The following ZNF383 variants were observed in gnomAD, a reference collection of about 807,000 sequenced individuals.
The protein encoded by ZNF383 is zinc finger protein 383.
In ZNF383, 32 loss-of-function variants were observed where a neutral mutation model predicts 44.2. That is an observed-to-expected ratio of 0.72 (90% CI 0.55 to 0.97). The LOEUF is 0.97. ZNF383 is among the 50% of genes least tolerant of loss of function. ZNF383 has a pLI of 0.00. For missense variants in ZNF383, 487 were observed against 562.5 expected, an observed-to-expected ratio of 0.87 and a Z score of 1.36; for synonymous variants, 155 against 186.2, an observed-to-expected ratio of 0.83 and a Z score of 1.36.
intron 4 of ZNF383, 120 bp downstream of exon 4, chr19:37,235,795 A>G (rs1221014050): frequency 1.5e-6 from 2 of 1,377,266 alleles, no homozygotes; most frequent in African/African-American, 1.5e-5. Flanking sequence ...TTACCAAACA[A>G]ATGGTTTGAG....
chr19:37,220,978 G>T (rs1237684895), intron 1 of ZNF383, among the ~76,000 whole-genome samples: 1 of 152,158 alleles, frequency 6.6e-6, no homozygotes, highest in African/African-American at 2.4e-5. Context: ...CATAGCTGCA[G>T]TTCAGACGTT....
At chr19:37,230,978 G>A (rs1365019973) in intron 3 of ZNF383, among the ~76,000 whole-genome samples, 1 of 152,170 alleles carries the variant, frequency 6.6e-6, no homozygotes, top group African/African-American at 2.4e-5. Context: ...ACAGAGCTCT[G>A]CAACTCTGTA....
intron 5 of ZNF383, among the ~76,000 whole-genome samples, chr19:37,238,029 A>G (rs1973904022): frequency 6.6e-6 from 1 of 151,474 alleles, no homozygotes; most frequent in Non-Finnish European, 1.5e-5. Flanking sequence ...CGCCCAGCTA[A>G]TTTTTCTATT....
chr19:37,240,402 A>G (rs537942267), intron 5 of ZNF383, among the ~76,000 whole-genome samples: 23 of 152,340 alleles, frequency 1.5e-4, no homozygotes, highest in South Asian at 1.2e-3. Context: ...GTTAAGGATT[A>G]TTGCCCTTTT....
chr19:37,242,519 T>C lies in ZNF383; in HGVS notation c.283T>C (p.Tyr95His), dbSNP rs1230780776. The C allele has an allele frequency of 1.2e-6, 2 of 1,612,354 alleles. No individual in the cohort carries two copies. The highest frequency in any genetic ancestry group is 2.2e-5 in the South Asian group (2 of 90,628). ...GTTATTATCTCTAAAGAAGGAAGTT[T>C]ATGAAATAGAATTATGCCAGAGGGA... Reference protein sequence around the residue: ...TKLLSLKKEVYEIELCQREIM... With the variant: ...TKLLSLKKEVHEIELCQREIM... Residue 95 changes from tyrosine to histidine, a missense_variant, in exon 6 of 6, where the codon TAT becomes CAT. Physicochemically the swap from Tyr to His is moderately conservative, Grantham distance 83. Coordinates refer to ENST00000684119, the MANE Select transcript of ZNF383 (RefSeq NM_001387601.1).
At chr19:37,221,000 G>A (rs1972895249) in intron 1 of ZNF383, among the ~76,000 whole-genome samples, 1 of 152,120 alleles carries the variant, frequency 6.6e-6, no homozygotes, top group Non-Finnish European at 1.5e-5. Context: ...GTTATTTCCT[G>A]TATGACAGGG....
At chr19:37,230,320 A>G in intron 2 of ZNF383, 89 bp from the exon 3 acceptor site, 1 of 822,652 alleles carries the variant, frequency 1.2e-6, no homozygotes, top group South Asian at 1.6e-5. Context: ...ACCAAGAAAT[A>G]TGGAGGTGGT....
intron 2 of ZNF383, 76 bp from the exon 3 acceptor site, chr19:37,230,333 T>C (rs1019569955): frequency 2.0e-6 from 2 of 1,009,438 alleles, no homozygotes; most frequent in African/African-American, 3.2e-5. Context: ...GAGGTGGTTT[T>C]ATCTGACCTC....
intron 2 of ZNF383, among the ~76,000 whole-genome samples, chr19:37,229,754 ATATG>A (rs1973380788): frequency 3.5e-5 from 5 of 143,460 alleles, no homozygotes; most frequent in Admixed American, 7.3e-5. Flanking sequence ...ATATATGTAT[ATATG>A]TGTGTATATA....
At chr19:37,223,909 C>T (rs1182218326) in intron 1 of ZNF383, among the ~76,000 whole-genome samples, 2 of 151,950 alleles carry the variant, frequency 1.3e-5, no homozygotes, top group African/African-American at 4.8e-5. Flanking sequence ...GTGGCGGGCA[C>T]CTGTAATCTC....
intron 1 of ZNF383, among the ~76,000 whole-genome samples, chr19:37,223,586 A>G (rs558727889): frequency 2.0e-5 from 3 of 152,316 alleles, no homozygotes; most frequent in Non-Finnish European, 4.4e-5. Context: ...GATTTAAGCA[A>G]TGTATTTATA....
At chr19:37,229,012 G>A (rs1973318344) in intron 2 of ZNF383, among the ~76,000 whole-genome samples, 1 of 152,046 alleles carries the variant, frequency 6.6e-6, no homozygotes, top group Non-Finnish European at 1.5e-5. Flanking sequence ...AGTGGCAGAA[G>A]TATTCTGTTT....
intron 2 of ZNF383, among the ~76,000 whole-genome samples, chr19:37,227,914 T>C (rs1263781324): frequency 6.6e-6 from 1 of 152,210 alleles, no homozygotes; most frequent in South Asian, 2.1e-4. Flanking sequence ...TACTGTTATT[T>C]AGAAGGCAGA....
intron 5 of ZNF383, among the ~76,000 whole-genome samples, chr19:37,236,418 G>A (rs943403285): frequency 6.0e-5 from 9 of 149,766 alleles, no homozygotes; most frequent in African/African-American, 2.0e-4. Context: ...TAAAGGGTCT[G>A]GCTCTGTCAC....
chr19:37,226,284 G>T (rs1449198693), intron 2 of ZNF383, among the ~76,000 whole-genome samples: 1 of 152,026 alleles, frequency 6.6e-6, no homozygotes, highest in Non-Finnish European at 1.5e-5. Flanking sequence ...CACACGTATG[G>T]TCTCCCCCAT....
chr19:37,247,654 C>T lies in ZNF383; in HGVS notation c.*3990C>T, dbSNP rs1022768839. ...AGTCTAGGTAACATAATGAGATCCC[C>T]CTCCCCTCATCTCTACAGAAAAAAA... On this transcript the variant is annotated 3_prime_UTR_variant, in exon 6 of 6. Transcript: ENST00000684119. 2 of 151,252 alleles carry T rather than the reference C, an allele frequency of 1.3e-5. No individual in the cohort carries two copies. The highest frequency in any genetic ancestry group is 4.9e-5 in the African/African-American group (2 of 41,124). 9.4% of individuals were successfully genotyped at this position (151,252 alleles called of 1,614,324 possible). A position where few individuals can be genotyped will look rare whatever the true frequency, so the allele number is the denominator to read the frequency against.
At chr19:37,229,458 C>CTTTT (rs569416608) in intron 2 of ZNF383, among the ~76,000 whole-genome samples, 1 of 123,978 alleles carries the variant, frequency 8.1e-6, no homozygotes, top group Non-Finnish European at 1.7e-5. Context: ...CTGCACCCAG[C>CTTTT]TTTTTTTTTT....
chr19:37,230,385 C>G (rs1451368537), intron 2 of ZNF383, 24 bp from the exon 3 acceptor site: 5 of 1,570,152 alleles, frequency 3.2e-6, no homozygotes, highest in Non-Finnish European at 4.4e-6. Flanking sequence ...AGTCATGCAA[C>G]CTCAGAACAC....
Position 37,242,626 on chromosome 19 carries a change from A to G in ZNF383, c.390A>G (p.Gln130=). Residue 130 remains glutamine (Q), a synonymous_variant, in exon 6 of 6, where the codon CAA becomes CAG. Coordinates refer to ENST00000684119, the MANE Select transcript of ZNF383 (RefSeq NM_001387601.1). ...AATATAGAAGCCACCTTGCAAAACA[A>G]CTGGGATATCCAAATGGGCATTTTA... is the stretch of plus-strand genomic sequence containing the variant. ...VLEYRSHLAK[Q]LGYPNGHFSQ... 2 of 1,614,118 alleles carry G rather than the reference A, an allele frequency of 1.2e-6. No homozygotes were observed. The highest frequency in any genetic ancestry group is 1.7e-6 in the Non-Finnish European group (2 of 1,179,986).
Sources: allele counts gnomAD v4.1 joint callset (sites outside exome capture counted in the v4.1 genomes callset), GRCh38; gene constraint gnomAD v4.1.1; transcripts MANE v1.5; gene names NCBI Gene and HGNC (gene_info 2026-07-23, HGNC 2026-07-21).